CCDC146: variants seen among roughly 807,000 people sequenced by gnomAD.
CCDC146 encodes the protein coiled-coil domain containing 146.
A neutral mutation model predicts 119.3 loss-of-function variants in CCDC146; 92 were observed. The ratio of observed to expected loss-of-function variants is 0.77; its 90% confidence interval spans 0.65 to 0.92. The LOEUF (loss-of-function observed/expected upper bound fraction) is 0.92, where lower values mean the gene tolerates loss of function less well. Among genes scored for constraint, CCDC146 ranks in the 40% least tolerant of loss-of-function variants. CCDC146 has a pLI of 0.00. For missense variants in CCDC146, 1,000 were observed against 1,103.0 expected (o/e 0.91, Z 1.32); for synonymous variants, 372 against 371.8 (o/e 1.00, Z -0.01).
chr7:77,187,706 A>G (rs547983229), intron 2 of CCDC146, among the ~76,000 whole-genome samples: 32 of 152,334 alleles, frequency 2.1e-4, no homozygotes, highest in African/African-American at 7.7e-4. Flanking sequence ...AATACAGTGC[A>G]CCAGGGAGAC....
chr7:77,132,088 A>G (rs1790792801), intron 1 of CCDC146, among the ~76,000 whole-genome samples: 1 of 152,126 alleles, frequency 6.6e-6, no homozygotes, highest in Non-Finnish European at 1.5e-5. Context: ...AATCATGCAT[A>G]AAAAGAAAAC....
chr7:77,220,245 A>G (rs1016905088), intron 2 of CCDC146, among the ~76,000 whole-genome samples: 1 of 152,132 alleles, frequency 6.6e-6, no homozygotes, highest in African/African-American at 2.4e-5. Context: ...ATTCAGTGAT[A>G]ATTCTCCTAT....
In CCDC146 at chr7:77,241,838, G is replaced by A. The variant is rs749448313; in HGVS notation, c.387G>A (p.Lys129=). The part of the protein sequence containing the change: ...EVSKMREQLL[K]YQNEYNAVKE... ...CCAAAATGAGAGAACAACTTCTCAAGTATCAAAATGAATATAATGCAGTGA... is the reference window on the plus strand; with the variant it reads ...CCAAAATGAGAGAACAACTTCTCAAATATCAAAATGAATATAATGCAGTGA... Residue 129 remains lysine, a synonymous_variant, in exon 4 of 19, where the codon AAG becomes AAA. Coordinates refer to ENST00000285871, the MANE Select transcript of CCDC146 (RefSeq NM_020879.3). The A allele has an allele frequency of 7.4e-6, 12 of 1,613,876 alleles. No individual in the cohort carries two copies. Among genetic ancestry groups the A allele is most frequent in the Non-Finnish European group, 9.3e-6 (11 of 1,179,964 alleles).
At chr7:77,226,156 G>C (rs1562839259) in intron 2 of CCDC146, among the ~76,000 whole-genome samples, 2 of 152,218 alleles carry the variant, frequency 1.3e-5, no homozygotes, top group African/African-American at 2.4e-5. Context: ...AGTTTTGAGA[G>C]CTCAATGCAT....
intron 2 of CCDC146, chr7:77,193,878 T>G (rs1377794704): frequency 6.6e-6 from 1 of 152,576 alleles, no homozygotes; most frequent in Non-Finnish European, 1.5e-5. Context: ...TTTATGAATA[T>G]TAGCATATAT....
intron 15 of CCDC146, among the ~76,000 whole-genome samples, chr7:77,286,136 T>C (rs1056928895): frequency 4.6e-5 from 7 of 152,188 alleles, no homozygotes; most frequent in African/African-American, 1.7e-4. Context: ...GTAGGAAGCA[T>C]GTGCCAGCAT....
At chr7:77,181,393 AGTG>A (rs1173290208) in intron 2 of CCDC146, among the ~76,000 whole-genome samples, 3 of 152,144 alleles carry the variant, frequency 2.0e-5, no homozygotes, top group Non-Finnish European at 2.9e-5. Context: ...GCATTTGAAA[AGTG>A]TGCCCTCAGG....
intron 7 of CCDC146, 171 bp downstream of exon 7, chr7:77,259,239 A>C (rs1453191694): frequency 2.0e-6 from 1 of 509,278 alleles, no homozygotes. Flanking sequence ...AAAGTAATGC[A>C]CCAAATTTCT....
At chr7:77,232,488 TATG>T (rs1016344708) in intron 2 of CCDC146, among the ~76,000 whole-genome samples, 5 of 152,240 alleles carry the variant, frequency 3.3e-5, no homozygotes, top group African/African-American at 9.6e-5. Context: ...TGTTAGCCCT[TATG>T]ATATCTGTTT....
intron 11 of CCDC146, among the ~76,000 whole-genome samples, chr7:77,275,891 A>T (rs1435805810): frequency 6.6e-6 from 1 of 152,124 alleles, no homozygotes; most frequent in Non-Finnish European, 1.5e-5. Flanking sequence ...AATAAACAGG[A>T]TATTACATAT....
chr7:77,167,562 T>A, intron 1 of CCDC146, 96 bp from the exon 2 acceptor site: 6 of 937,616 alleles, frequency 6.4e-6, no homozygotes, highest in Non-Finnish European at 8.8e-6. Flanking sequence ...CAATAGCTTA[T>A]TCCAGTTTTT....
chr7:77,276,350 G>A (rs3108444), intron 11 of CCDC146, among the ~76,000 whole-genome samples: 139,747 of 152,234 alleles, frequency 0.92, 64,341 homozygotes, highest in African/African-American at 0.98. Context: ...GCTCACTCAC[G>A]CCAAAGCATT....
intron 8 of CCDC146, among the ~76,000 whole-genome samples, chr7:77,261,728 C>T (rs1047394879): frequency 6.6e-5 from 10 of 152,058 alleles, no homozygotes; most frequent in African/African-American, 1.2e-4. Flanking sequence ...CCACCCACCT[C>T]GGCCTCCCAA....
Position 77,241,778 on chromosome 7 carries a change from T to C in CCDC146, c.327T>C (p.Ala109=). The change falls in exon 4 of 19, where the codon GCT becomes GCC. Residue 109 remains alanine (A), a synonymous_variant. Coordinates refer to ENST00000285871, the MANE Select transcript of CCDC146 (RefSeq NM_020879.3). ...IQQQQFHLQQ[A]DNFPEAFSTE... ...AGCAGCAGTTTCACCTGCAGCAAGC[T>C]GATAATTTTCCAGAAGCATTCTCCA... The C allele has an allele frequency of 6.2e-7, 1 of 1,614,072 alleles. No individual in the cohort carries two copies. The highest frequency in any genetic ancestry group is 8.5e-7 in the Non-Finnish European group (1 of 1,180,026).
intron 2 of CCDC146, chr7:77,194,789 C>T (rs762406487): frequency 2.6e-5 from 4 of 152,020 alleles, no homozygotes; most frequent in Non-Finnish European, 5.9e-5. Flanking sequence ...TTTAAAAATA[C>T]GCAGAATACT....
chr7:77,185,664 C>T (rs1328864893), intron 2 of CCDC146, among the ~76,000 whole-genome samples: 1 of 152,174 alleles, frequency 6.6e-6, no homozygotes, highest in Non-Finnish European at 1.5e-5. Context: ...ACAATAAATA[C>T]CTAACTCTTC....
At chr7:77,236,418 A>G (rs1200843310) in intron 2 of CCDC146, among the ~76,000 whole-genome samples, 1 of 152,202 alleles carries the variant, frequency 6.6e-6, no homozygotes, top group Non-Finnish European at 1.5e-5. Flanking sequence ...TTGGAGCTGA[A>G]CCACTTGGGT....
intron 1 of CCDC146, among the ~76,000 whole-genome samples, chr7:77,141,513 G>A (rs916095090): frequency 6.6e-6 from 1 of 152,146 alleles, no homozygotes; most frequent in African/African-American, 2.4e-5. Flanking sequence ...CACAATGGTT[G>A]AACTCATTTA....
intron 9 of CCDC146, among the ~76,000 whole-genome samples, chr7:77,266,991 ATT>A (rs71085446): frequency 0.71 from 96,757 of 136,210 alleles, 34,469 homozygotes; most frequent in East Asian, 0.92. Flanking sequence ...ATGCAAAGGA[ATT>A]TTTTTTTTTT....
Sources: gnomAD v4.1 joint callset for allele counts (sites outside exome capture counted in the v4.1 genomes callset) on GRCh38, gnomAD v4.1.1 for gene constraint, MANE v1.5 for transcripts, NCBI Gene and HGNC (gene_info 2026-07-23, HGNC 2026-07-21) for gene names.